ZNF671: variants seen among roughly 807,000 people sequenced by gnomAD.
ZNF671 encodes zinc finger protein 671.
Under a neutral mutation model 16.6 loss-of-function variants are expected in ZNF671, and 19 were observed. That is an observed-to-expected ratio of 1.14 (90% CI 0.80 to 1.68). ZNF671 has a LOEUF of 1.68. ZNF671 is among the 40% of genes most tolerant of loss of function. The pLI, the probability that ZNF671 is intolerant of heterozygous loss-of-function variation, is 0.00. For missense variants in ZNF671, 637 were observed against 659.8 expected, an observed-to-expected ratio of 0.97 and a Z score of 0.38; for synonymous variants, 238 against 236.3, an observed-to-expected ratio of 1.01 and a Z score of -0.06.
rs1338216705 is a variant in ZNF671 at position 57,719,971 on chromosome 19, C to G, written c.*510G>C. On this transcript the variant is annotated 3_prime_UTR_variant, in exon 4 of 4. Coordinates refer to ENST00000317398, the MANE Select transcript of ZNF671 (RefSeq NM_024833.3). Reference sequence around the variant, plus strand: ...CATCAAAAGAGAGGAAATTAAGACCCCTAGTGGGCTGTGAGACCACTCACA... The same window carrying G: ...CATCAAAAGAGAGGAAATTAAGACCGCTAGTGGGCTGTGAGACCACTCACA... 3.1e-5 allele frequency: 5 copies of G among 160,422 alleles called. No homozygotes were observed. Among genetic ancestry groups the G allele is most frequent in the Non-Finnish European group, 1.4e-5 (1 of 72,050 alleles). 9.9% of individuals were successfully genotyped at this position (160,422 alleles called of 1,614,324 possible).
At position 57,724,727 on chromosome 19, in the gene ZNF671, A is replaced by G. The variant is rs77645286; in HGVS notation, c.139-1387T>C. 0.015 allele frequency among the ~76,000 whole-genome samples: 2,264 copies of G among 152,164 alleles called. 132 individuals carry two copies. In the East Asian group the frequency reaches 0.17, roughly 11 times the overall value. On this transcript the variant is annotated intron_variant, in intron 1 of 3. Transcript: ENST00000317398. ...TTTTCAGTAGAGACAAGGTTTCACC[A>G]TGTTAGCCAGGATGGTCTTGATCTC...
In ZNF671 at chr19:57,721,535, C is replaced by T. The variant is rs775902803; in HGVS notation, c.551G>A (p.Gly184Glu). ...KDTLHLAKYH[G>E]GKARQKPYLC... The stretch of plus-strand genomic sequence containing the variant: ...GTATGGTTTCTGCCTGGCTTTTCCC[C>T]CATGGTATTTAGCCAGGTGTAAGGT... The change falls in exon 4 of 4, where the codon GGG (glycine) becomes GAG (glutamate). Residue 184 changes from glycine (G) to glutamate (E), a missense_variant. Gly to Glu is a moderately conservative substitution (Grantham distance 98, BLOSUM62 -2). Transcript: ENST00000317398. The T allele has an allele frequency of 6.2e-7, 1 of 1,614,198 alleles. No homozygotes were observed. Among genetic ancestry groups the T allele is most frequent in the Non-Finnish European group, 8.5e-7 (1 of 1,180,040 alleles).
In ZNF671 at chr19:57,721,156, T is replaced by C. The variant is rs767073986; in HGVS notation, c.930A>G (p.Glu310=). The C allele has an allele frequency of 4.3e-6, 7 of 1,613,970 alleles. No individual in the cohort carries two copies. In the Admixed American group the frequency reaches 1.2e-4, roughly 27 times the overall value. Residue 310 remains glutamate, a synonymous_variant, in exon 4 of 4, where the codon GAA becomes GAG. Coordinates refer to ENST00000317398, the MANE Select transcript of ZNF671 (RefSeq NM_024833.3). ...CACATTCGTTACACTCATAAGGCCT[T>C]TCTCCAGTGTGGATTCTCTGATGCC... The part of the protein sequence containing the change: ...LARHQRIHTG[E]RPYECNECGK...
chr19:57,724,451 G>A (rs1301253868), intron 1 of ZNF671, among the ~76,000 whole-genome samples: 1 of 152,132 alleles, frequency 6.6e-6, no homozygotes, highest in Non-Finnish European at 1.5e-5. Context: ...CTGTGTGTCA[G>A]GGAATAGGAA....
rs1337562987 is a variant in ZNF671, at chr19:57,727,429, C to A, written c.100G>T (p.Ala34Ser). The change falls in exon 1 of 4, where the codon GCC (alanine) becomes TCC (serine). Residue 34 changes from alanine to serine, a missense_variant. By Grantham distance (99) the Ala-to-Ser change is moderately conservative. Coordinates refer to ENST00000317398, the MANE Select transcript of ZNF671 (RefSeq NM_024833.3). Reference sequence around the variant, plus strand: ...GTTAGCTCCGCCATAGGACCGTGGGCGCGGACAGCTGCCGGGAGCGGCAGG... The same window carrying A: ...GTTAGCTCCGCCATAGGACCGTGGGAGCGGACAGCTGCCGGGAGCGGCAGG... ...RRLPLPAAVR[A>S]HGPMAELTDS... 1 of 1,613,058 alleles carries A rather than the reference C, an allele frequency of 6.2e-7. No homozygotes were observed. Among genetic ancestry groups the A allele is most frequent in the East Asian group, 2.2e-5 (1 of 44,858 alleles).
chr19:57,720,982 G>A lies in ZNF671; in HGVS notation c.1104C>T (p.Leu368=). The A allele has an allele frequency of 6.2e-7, 1 of 1,614,044 alleles. No individual in the cohort carries two copies. The highest frequency in any genetic ancestry group is 1.1e-5 in the South Asian group (1 of 91,080). ...ATTTCCCACATTTGCCACACTGATAGAGTCTTTCACCCGTGTGAACTCGCC... is the reference window on the plus strand; with the variant it reads ...ATTTCCCACATTTGCCACACTGATAAAGTCTTTCACCCGTGTGAACTCGCC... ...EHRRVHTGER[L]YQCGKCGKFF... The change falls in exon 4 of 4, where the codon CTC becomes CTT. Residue 368 remains leucine, a synonymous_variant. Coordinates refer to ENST00000317398, the MANE Select transcript of ZNF671 (RefSeq NM_024833.3).
In ZNF671 at chr19:57,720,988, T is replaced by G. The variant is rs1402056940; in HGVS notation, c.1098A>C (p.Glu366Asp). 1 of 1,614,176 alleles carries G rather than the reference T, an allele frequency of 6.2e-7. No individual in the cohort carries two copies. Among genetic ancestry groups the G allele is most frequent in the Non-Finnish European group, 8.5e-7 (1 of 1,180,028 alleles). The change falls in exon 4 of 4, where the codon GAA becomes GAC. Residue 366 changes from glutamate (E) to aspartate (D), a missense_variant. Physicochemically the swap from Glu to Asp is conservative, Grantham distance 45. Coordinates refer to ENST00000317398, the MANE Select transcript of ZNF671 (RefSeq NM_024833.3). ...CACATTTGCCACACTGATAGAGTCTTTCACCCGTGTGAACTCGCCTGTGCT... is the reference window on the plus strand; with the variant it reads ...CACATTTGCCACACTGATAGAGTCTGTCACCCGTGTGAACTCGCCTGTGCT... ...LIEHRRVHTG[E>D]RLYQCGKCGK... is the part of the protein sequence containing the mutation.
intron 1 of ZNF671, among the ~76,000 whole-genome samples, chr19:57,724,059 A>G (rs904444080): frequency 7.1e-6 from 1 of 140,212 alleles, no homozygotes; most frequent in Admixed American, 7.2e-5. Context: ...AAAAAAAAAA[A>G]GTGCTTGCCA....
chr19:57,721,603 C>T lies in ZNF671; in HGVS notation c.483G>A (p.Leu161=). 6.2e-7 allele frequency: 1 copy of T among 1,614,206 alleles called. No homozygotes were observed. The highest frequency in any genetic ancestry group is 8.5e-7 in the Non-Finnish European group (1 of 1,180,040). The change falls in exon 4 of 4, where the codon CTG becomes CTA. Residue 161 remains leucine (L), a synonymous_variant. Transcript: ENST00000317398. ...VSEVRTLMAE[L]ESHPCDICGP... is the part of the protein sequence containing the mutation. ...CACATATGTCACATGGGTGAGACTC[C>T]AGCTCTGCCATGAGAGTCCTGACCT...
chr19:57,725,459 G>A (rs187305899), intron 1 of ZNF671, among the ~76,000 whole-genome samples: 3 of 151,556 alleles, frequency 2.0e-5, no homozygotes, highest in East Asian at 1.9e-4. Context: ...GTGAAACCCC[G>A]TCTCTACTAA....
intron 1 of ZNF671, among the ~76,000 whole-genome samples, chr19:57,723,572 A>G (rs988132355): frequency 2.0e-5 from 3 of 151,826 alleles, no homozygotes; most frequent in African/African-American, 7.3e-5. Context: ...GAGCCAGCCA[A>G]CTCCCCTGGG....
chr19:57,727,539 CT>C lies in ZNF671; in HGVS notation c.-12del. 6.3e-7 allele frequency: 1 copy of C among 1,592,076 alleles called. No homozygotes were observed. The highest frequency in any genetic ancestry group is 8.6e-7 in the Non-Finnish European group (1 of 1,163,458). On this transcript the variant is annotated 5_prime_UTR_variant, in exon 1 of 4. Coordinates refer to ENST00000317398, the MANE Select transcript of ZNF671 (RefSeq NM_024833.3). ...CACTGGGGACAACATCTCCTCCGCG[CT>C]TTCCCAACACCTCCACCTGCGGCCC...
chr19:57,721,178 T>C lies in ZNF671; in HGVS notation c.908A>G (p.His303Arg), dbSNP rs768519360. 3 of 1,613,622 alleles carry C rather than the reference T, an allele frequency of 1.9e-6. No homozygotes were observed. The highest frequency in any genetic ancestry group is 1.7e-5 in the Admixed American group (1 of 60,016). ...CCTTTCTCCAGTGTGGATTCTCTGA[T>C]GCCGAGCAAGTGTGTCTTTGCGGGT... Reference protein sequence around the residue: ...AFTRKDTLARHQRIHTGERPY... With the variant: ...AFTRKDTLARRQRIHTGERPY... The change falls in exon 4 of 4, where the codon CAT becomes CGT. Residue 303 changes from histidine (H) to arginine (R), a missense_variant. His to Arg is a conservative substitution (Grantham distance 29, BLOSUM62 0). Coordinates refer to ENST00000317398, the MANE Select transcript of ZNF671 (RefSeq NM_024833.3).
Position 57,721,476 on chromosome 19 carries a change from T to G in ZNF671, c.610A>C (p.Ser204Arg), listed in dbSNP as rs374041743. The G allele has an allele frequency of 5.5e-5, 88 of 1,614,120 alleles. No homozygotes were observed. The highest frequency in any genetic ancestry group is 7.1e-5 in the Non-Finnish European group (84 of 1,180,046). The change falls in exon 4 of 4, where the codon AGT (serine) becomes CGT (arginine). Residue 204 changes from serine to arginine, a missense_variant. Physicochemically the swap from Ser to Arg is moderately radical, Grantham distance 110 (BLOSUM62 -1). Transcript: ENST00000317398. ...CGACGKQFWF[S>R]TDFDQHQNQP... ...TTCTGGTGCTGGTCAAAGTCTGTAC[T>G]GAACCAGAATTGCTTTCCACATGCC...
intron 1 of ZNF671, among the ~76,000 whole-genome samples, chr19:57,723,853 AC>A (rs34030104): frequency 7.0e-6 from 1 of 143,152 alleles, no homozygotes; most frequent in Non-Finnish European, 1.5e-5. Flanking sequence ...ACATGGTGAA[AC>A]CCCGTCTCTA....
intron 1 of ZNF671, 162 bp downstream of exon 1, chr19:57,727,229 C>T: frequency 9.6e-7 from 1 of 1,039,984 alleles, no homozygotes. Context: ...GAGCCTTTAC[C>T]TGCGCCGTCC....
rs748765310 is a variant in ZNF671, at chr19:57,720,597, G to A, written c.1489C>T (p.His497Tyr). 2 of 1,614,220 alleles carry A rather than the reference G, an allele frequency of 1.2e-6. No homozygotes were observed. The highest frequency in any genetic ancestry group is 1.7e-6 in the Non-Finnish European group (2 of 1,180,040). ...CTTTCCCCAGTGTGGACTTTCCAGT[G>A]CCTGATGAGGTTGGGTCTTTGAGTG... ...AFTQRPNLIR[H>Y]WKVHTGERPY... Residue 497 changes from histidine (H) to tyrosine (Y), a missense_variant, in exon 4 of 4, where the codon CAC (histidine) becomes TAC (tyrosine). His to Tyr is a moderately conservative substitution (Grantham distance 83). Coordinates refer to ENST00000317398, the MANE Select transcript of ZNF671 (RefSeq NM_024833.3).
rs1600049385 is a variant in ZNF671, at chr19:57,721,054, G to A, written c.1032C>T (p.Ser344=). The change falls in exon 4 of 4, where the codon AGC becomes AGT. Residue 344 remains serine (S), a synonymous_variant. Coordinates refer to ENST00000317398, the MANE Select transcript of ZNF671 (RefSeq NM_024833.3). ...TTTGTCTAAAGAATTTCCCACATTCGCTGCACTCGTATGGCCTTTCTCCAG... is the reference window on the plus strand; with the variant it reads ...TTTGTCTAAAGAATTTCCCACATTCACTGCACTCGTATGGCCTTTCTCCAG... ...VHTGERPYEC[S]ECGKFFRQIS... 3.7e-6 allele frequency: 6 copies of A among 1,613,876 alleles called. No homozygotes were observed. The highest frequency in any genetic ancestry group is 4.2e-6 in the Non-Finnish European group (5 of 1,179,926).
Position 57,720,566 on chromosome 19 carries a change from T to C in ZNF671, c.1520A>G (p.Tyr507Cys). 6.2e-7 allele frequency: 1 copy of C among 1,614,230 alleles called. No individual in the cohort carries two copies. Among genetic ancestry groups the C allele is most frequent in the African/African-American group, 1.3e-5 (1 of 75,062 alleles). Residue 507 changes from tyrosine (Y) to cysteine (C), a missense_variant, in exon 4 of 4, where the codon TAT becomes TGT. Transcript: ENST00000317398. ...TTCTCTCCCGCACTCACTACACACA[T>C]AAGGCCTTTCCCCAGTGTGGACTTT... is the stretch of plus-strand genomic sequence containing the variant. Reference protein sequence around the residue: ...HWKVHTGERPYVCSECGREFI... With the variant: ...HWKVHTGERPCVCSECGREFI...
Sources: gnomAD v4.1 joint callset for allele counts (sites outside exome capture counted in the v4.1 genomes callset) on GRCh38, gnomAD v4.1.1 for gene constraint, MANE v1.5 for transcripts, NCBI Gene and HGNC (gene_info 2026-07-23, HGNC 2026-07-21) for gene names.